Variants in RFX3 observed in about 807,000 individuals in gnomAD.
RFX3 encodes transcription factor RFX3.
Under a neutral mutation model 98.6 loss-of-function variants are expected in RFX3, and 14 were observed. The observed-to-expected ratio is 0.14, with a 90% CI of 0.09 to 0.22. The LOEUF is 0.22. Among genes scored for constraint, RFX3 ranks in the 10% least tolerant of loss-of-function variants. RFX3 has a pLI of 1.00. For synonymous variants in RFX3, 383 were observed against 328.4 expected, an observed-to-expected ratio of 1.17 and a Z score of -1.80; for missense variants, 639 against 926.9, an observed-to-expected ratio of 0.69 and a Z score of 4.03.
At chr9:3,308,627 C>G (rs1448478007) in intron 4 of RFX3, among the ~76,000 whole-genome samples, 2 of 152,142 alleles carry the variant, frequency 1.3e-5, no homozygotes, top group Non-Finnish European at 2.9e-5. Flanking sequence ...TGCAAGATGT[C>G]ATACGACAAA....
Position 3,503,831 on chromosome 9 carries a change from G to C in RFX3, c.-9+21916C>G, listed in dbSNP as rs57597149. Among the ~76,000 whole-genome samples, 417 of 152,010 alleles carry C rather than the reference G, an allele frequency of 2.7e-3. 1 individual carries two copies. The highest frequency in any genetic ancestry group is 9.5e-3 in the African/African-American group (396 of 41,468). ...AACACTGAAGAGCATTTTTATCACA[G>C]AAGCCATCATATGCAAAGATTCTGT... On this transcript the variant is annotated intron_variant, in intron 1 of 16. Transcript: ENST00000617270.
At chr9:3,357,310 T>C (rs549953235) in intron 2 of RFX3, among the ~76,000 whole-genome samples, 7 of 152,146 alleles carry the variant, frequency 4.6e-5, no homozygotes, top group African/African-American at 1.7e-4. Context: ...TTCTCATCGC[T>C]TATATTGTTT....
rs1350375209 is a variant in RFX3, at chr9:3,402,229, C to T, written c.-8-6633G>A. On this transcript the variant is annotated intron_variant, in intron 1 of 16. Coordinates refer to ENST00000617270, the MANE Select transcript of RFX3 (RefSeq NM_001282116.2). ...TTTCATCCTGAAATAATTTGCTCTCCTAAAGACCAAAGTCTGCAAAGTTTG... is the reference window on the plus strand; with the variant it reads ...TTTCATCCTGAAATAATTTGCTCTCTTAAAGACCAAAGTCTGCAAAGTTTG... Among the ~76,000 whole-genome samples, 7 of 152,132 alleles carry T rather than the reference C, an allele frequency of 4.6e-5. No individual in the cohort carries two copies. In the East Asian group the frequency reaches 1.3e-3, roughly 29 times the overall value.
intron 1 of RFX3, among the ~76,000 whole-genome samples, chr9:3,508,608 C>T (rs752718531): frequency 1.3e-5 from 2 of 151,944 alleles, no homozygotes; most frequent in South Asian, 2.1e-4. Flanking sequence ...TCGTTTATTA[C>T]ATCTCCCTTT....
At chr9:3,492,108 C>T (rs1384326050) in intron 1 of RFX3, among the ~76,000 whole-genome samples, 1 of 152,136 alleles carries the variant, frequency 6.6e-6, no homozygotes, top group Non-Finnish European at 1.5e-5. Context: ...AGATGCTTGG[C>T]AATGTGCTAG....
At chr9:3,366,709 T>TCTTTCTTTC (rs1837198194) in intron 2 of RFX3, among the ~76,000 whole-genome samples, 1 of 127,962 alleles carries the variant, frequency 7.8e-6, no homozygotes, top group Non-Finnish European at 1.6e-5. Flanking sequence ...TTTCTTTCTT[T>TCTTTCTTTC]CTTTCTTTCT....
chr9:3,448,425 C>T (rs1846246279), intron 1 of RFX3, among the ~76,000 whole-genome samples: 1 of 152,186 alleles, frequency 6.6e-6, no homozygotes, highest in African/African-American at 2.4e-5. Context: ...AATCCATTTG[C>T]TACATCAGCT....
chr9:3,370,470 A>C (rs1215527738), intron 2 of RFX3, among the ~76,000 whole-genome samples: 1 of 151,568 alleles, frequency 6.6e-6, no homozygotes, highest in Non-Finnish European at 1.5e-5. Context: ...ATGATTTTTA[A>C]AAATTATTTT....
At chr9:3,489,491 G>T in intron 1 of RFX3, 1 of 864,304 alleles carries the variant, frequency 1.2e-6, no homozygotes, top group Non-Finnish European at 1.4e-6. Context: ...GTAGAGTAGG[G>T]GAATTATGAC....
chr9:3,287,367 T>G (rs991532403), intron 7 of RFX3, among the ~76,000 whole-genome samples: 1 of 152,028 alleles, frequency 6.6e-6, no homozygotes, highest in Middle Eastern at 3.4e-3. Context: ...TGAGCTATGC[T>G]GGTAAAGAGG....
At chr9:3,268,089 T>G (rs1314040681) in intron 11 of RFX3, among the ~76,000 whole-genome samples, 1 of 151,948 alleles carries the variant, frequency 6.6e-6, no homozygotes, top group African/African-American at 2.4e-5. Flanking sequence ...GGGCCACCTC[T>G]GGTTATACTT....
chr9:3,231,791 T>C (rs1227805707), intron 15 of RFX3, among the ~76,000 whole-genome samples: 1 of 151,990 alleles, frequency 6.6e-6, no homozygotes, highest in Non-Finnish European at 1.5e-5. Context: ...AGGTCAGGCA[T>C]GGTGGCTCAA....
At chr9:3,275,152 G>C (rs1043095070) in intron 9 of RFX3, among the ~76,000 whole-genome samples, 19 of 150,970 alleles carry the variant, frequency 1.3e-4, no homozygotes, top group Non-Finnish European at 2.1e-4. Flanking sequence ...CCAATCTTTT[G>C]CATTAAAAAT....
intron 4 of RFX3, among the ~76,000 whole-genome samples, chr9:3,313,597 C>G (rs776032052): frequency 3.3e-5 from 5 of 152,122 alleles, no homozygotes; most frequent in Admixed American, 6.5e-5. Context: ...GATGTTCGAA[C>G]CCATCACAAA....
chr9:3,270,149 AAG>A (rs1824241328), intron 11 of RFX3, among the ~76,000 whole-genome samples: 2 of 152,006 alleles, frequency 1.3e-5, no homozygotes, highest in Non-Finnish European at 2.9e-5. Context: ...GAAAAGGAGA[AAG>A]AAAGAAAAAG....
At chr9:3,360,689 C>G (rs1836319532) in intron 2 of RFX3, among the ~76,000 whole-genome samples, 1 of 151,942 alleles carries the variant, frequency 6.6e-6, no homozygotes, top group South Asian at 2.1e-4. Context: ...ATTTTGTGTA[C>G]TTTTTTTGTA....
chr9:3,525,915 A>G lies in RFX3; in HGVS notation c.-177T>C. ...CTTGATTCACAAGGCAACGGTTGCT[A>G]TAACTCACAAAAGAGAGAGAGAGAG... On this transcript the variant is annotated 5_prime_UTR_variant, in exon 1 of 17. Transcript: ENST00000617270. 2.0e-6 allele frequency: 2 copies of G among 982,970 alleles called. No homozygotes were observed. Among genetic ancestry groups the G allele is most frequent in the Non-Finnish European group, 2.4e-6 (2 of 828,462 alleles). The allele number at this position is 982,970 out of a possible 1,614,324, so 60.9% of individuals were successfully genotyped here. A position where few individuals can be genotyped will look rare whatever the true frequency, so the allele number is the denominator to read the frequency against.
At chr9:3,289,301 CT>C (rs1827032177) in intron 6 of RFX3, among the ~76,000 whole-genome samples, 1 of 151,956 alleles carries the variant, frequency 6.6e-6, no homozygotes. Flanking sequence ...TAAAATTATA[CT>C]ATATAAATTA....
At chr9:3,315,371 G>C (rs2130598272) in intron 4 of RFX3, among the ~76,000 whole-genome samples, 1 of 152,186 alleles carries the variant, frequency 6.6e-6, no homozygotes, top group East Asian at 1.9e-4. Flanking sequence ...CACATTTAAA[G>C]CAGTGTGTAG....
Sources: gnomAD v4.1 joint callset for allele counts (sites outside exome capture counted in the v4.1 genomes callset) on GRCh38, gnomAD v4.1.1 for gene constraint, MANE v1.5 for transcripts, NCBI Gene and HGNC (gene_info 2026-07-23, HGNC 2026-07-21) for gene names.